Variants in STC1 observed in about 807,000 individuals in gnomAD.
STC1 encodes stanniocalcin-1.
Under a neutral mutation model 22.6 loss-of-function variants are expected in STC1, and 7 were observed. The ratio of observed to expected loss-of-function variants is 0.31; its 90% CI spans 0.18 to 0.58. STC1 has a LOEUF of 0.58. Ranked by LOEUF, STC1 falls within the 20% of genes least tolerant of loss-of-function variation. The probability of loss-of-function intolerance (pLI) is 0.89; values close to 1 mark genes in which losing one functional copy is unlikely to be tolerated. For synonymous variants in STC1, 113 were observed against 120.7 expected, an observed-to-expected ratio of 0.94 and a Z score of 0.42; for missense variants, 224 against 311.0, an observed-to-expected ratio of 0.72 and a Z score of 2.10.
Position 23,846,096 on chromosome 8 carries a change from A to G in STC1, c.474-1056T>C, listed in dbSNP as rs139021997. 3.3e-3 allele frequency among the ~76,000 whole-genome samples: 495 copies of G among 152,304 alleles called. 1 individual carries two copies. The highest frequency in any genetic ancestry group is 6.8e-3 in the Middle Eastern group (2 of 294). On this transcript the variant is annotated intron_variant, in intron 3 of 3. Transcript: ENST00000290271. ...AGTTTTAAGAATATAATTCTCTCCA[A>G]TAAGTAGTGATTCCCAGAAGAAAAC...
At chr8:23,845,553 G>GGTGT (rs10679520) in intron 3 of STC1, among the ~76,000 whole-genome samples, 6,480 of 150,346 alleles carry the variant, frequency 0.043, 233 homozygotes, top group African/African-American at 0.099. Flanking sequence ...TGTGGGCACA[G>GGTGT]GTGTGTGTGT....
Position 23,854,059 on chromosome 8 carries a change from C to T in STC1, c.118+347G>A, listed in dbSNP as rs557924720. 3.1e-5 allele frequency: 34 copies of T among 1,085,706 alleles called. No individual in the cohort carries two copies. The South Asian group carries it at 7.7e-4, about 25-fold the overall frequency. The allele number at this position is 1,085,706 out of a possible 1,614,324, so 67.3% of individuals were successfully genotyped here. ...GCCAGGTCTTACCTTAGATCAGCTT[C>T]TGGAAAGTATAGAGAGCGCTTTGAA... On this transcript the variant is annotated intron_variant, in intron 1 of 3. Transcript: ENST00000290271.
intron 3 of STC1, among the ~76,000 whole-genome samples, chr8:23,849,762 C>A (rs1802615032): frequency 6.6e-6 from 1 of 151,974 alleles, no homozygotes; most frequent in South Asian, 2.1e-4. Flanking sequence ...TGCTAATGTA[C>A]CTCTCCCCCC....
Position 23,844,792 on chromosome 8 carries a change from C to A in STC1, c.722G>T (p.Arg241Leu), listed in dbSNP as rs201521623. Residue 241 changes from arginine to leucine, a missense_variant, in exon 4 of 4, where the codon CGC becomes CTC. Physicochemically the swap from Arg to Leu is moderately radical, Grantham distance 102 (BLOSUM62 -2). Transcript: ENST00000290271. Reference protein sequence around the residue: ...GEEDSPSHIKRTSHESA With the variant: ...GEEDSPSHIKLTSHESA Reference sequence around the variant, plus strand: ...TGGTTATGCACTCTCATGGGATGTGCGTTTGATGTGGGAGGGAGAGTCCTC... The same window carrying A: ...TGGTTATGCACTCTCATGGGATGTGAGTTTGATGTGGGAGGGAGAGTCCTC... 6.2e-7 allele frequency: 1 copy of A among 1,614,048 alleles called. No individual in the cohort carries two copies. Among genetic ancestry groups the A allele is most frequent in the Non-Finnish European group, 8.5e-7 (1 of 1,179,992 alleles).
intron 1 of STC1, chr8:23,853,968 G>A: frequency 2.1e-6 from 2 of 937,950 alleles, no homozygotes; most frequent in Non-Finnish European, 2.6e-6. Context: ...ATTCTCTTAG[G>A]TAGAGAAGTC....
In STC1 at chr8:23,845,024, C is replaced by G; in HGVS notation, c.490G>C (p.Val164Leu). 6.2e-7 allele frequency: 1 copy of G among 1,614,070 alleles called. No individual in the cohort carries two copies. Among genetic ancestry groups the G allele is most frequent in the Admixed American group, 1.7e-5 (1 of 60,008 alleles). Residue 164 changes from valine (V) to leucine (L), a missense_variant, in exon 4 of 4, where the codon GTC becomes CTC. Transcript: ENST00000290271. ...TCATCACATTCCAGCAGGCTTCGGA[C>G]AAGTCTGTTATAGTATCTGCATCAA... The part of the protein sequence containing the change: ...HFSNRYYNRL[V>L]RSLLECDEDT...
In STC1 at chr8:23,854,744, C is replaced by CGCCGCCGCTGCTGCTGCT. The variant is rs1802681528; in HGVS notation, c.-222_-221insAGCAGCAGCAGCGGCGGC. On this transcript the variant is annotated 5_prime_UTR_variant, in exon 1 of 4. Transcript: ENST00000290271. ...CTGCCGCCGCTGCTGCTGCTGCTGC[C>CGCCGCCGCTGCTGCTGCT]ACCGCCGCTGCTGCTGCTGCTGCTG... 1 of 609,890 alleles carries CGCCGCCGCTGCTGCTGCT rather than the reference C, an allele frequency of 1.6e-6. No individual in the cohort carries two copies. The highest frequency in any genetic ancestry group is 3.0e-6 in the Non-Finnish European group (1 of 331,572). The allele number at this position is 609,890 out of a possible 1,614,324, so 37.8% of individuals were successfully genotyped here.
rs147444851 is a variant in STC1 at position 23,847,874 on chromosome 8, T to C, written c.474-2834A>G. 1.0e-3 allele frequency among the ~76,000 whole-genome samples: 155 copies of C among 152,372 alleles called. 3 individuals carry two copies. The highest frequency in any genetic ancestry group is 3.6e-3 in the African/African-American group (150 of 41,596). ...CAAATTTAATTGTGGACTACCACGG[T>C]GCACATATATTCAATTGTGCTTGGT... On this transcript the variant is annotated intron_variant, in intron 3 of 3. Coordinates refer to ENST00000290271, the MANE Select transcript of STC1 (RefSeq NM_003155.3).
chr8:23,853,825 A>G (rs535794177), intron 1 of STC1, among the ~76,000 whole-genome samples: 1 of 152,194 alleles, frequency 6.6e-6, no homozygotes, highest in Non-Finnish European at 1.5e-5. Context: ...ATGGAGCCCT[A>G]CAGAGCCAGG....
At chr8:23,848,080 TG>T (rs1475787310) in intron 3 of STC1, among the ~76,000 whole-genome samples, 2 of 152,204 alleles carry the variant, frequency 1.3e-5, no homozygotes, top group Non-Finnish European at 2.9e-5. Flanking sequence ...ATCAGTAAAA[TG>T]AGGCAGTTAG....
chr8:23,844,893 T>C lies in STC1; in HGVS notation c.621A>G (p.Pro207=). Residue 207 remains proline, a synonymous_variant, in exon 4 of 4, where the codon CCA becomes CCG. Coordinates refer to ENST00000290271, the MANE Select transcript of STC1 (RefSeq NM_003155.3). ...LQTDHCAQTH[P]RADFNRRRTN... ...TGCGTCTCCTGTTGAAGTCAGCTCG[T>C]GGGTGTGTTTGGGCACAGTGGTCTG... 1 of 1,614,070 alleles carries C rather than the reference T, an allele frequency of 6.2e-7. No homozygotes were observed. The highest frequency in any genetic ancestry group is 8.5e-7 in the Non-Finnish European group (1 of 1,180,012).
intron 3 of STC1, among the ~76,000 whole-genome samples, chr8:23,850,348 G>A (rs913727348): frequency 2.0e-5 from 3 of 152,180 alleles, no homozygotes; most frequent in Non-Finnish European, 2.9e-5. Flanking sequence ...GTGGATATGT[G>A]CAGATTTGAG....
At chr8:23,852,406 A>G (rs1212821942) in intron 1 of STC1, 22 bp from the exon 2 acceptor site, 1 of 1,571,246 alleles carries the variant, frequency 6.4e-7, no homozygotes, top group Admixed American at 1.8e-5. Context: ...AAATCCATCC[A>G]TTCTGGGTCA....
chr8:23,849,319 A>T (rs533658525), intron 3 of STC1, among the ~76,000 whole-genome samples: 25 of 152,234 alleles, frequency 1.6e-4, no homozygotes, highest in African/African-American at 5.5e-4. Flanking sequence ...GGACATTTCT[A>T]CAATCCTGAG....
rs184062047 is a variant in STC1 at position 23,854,373 on chromosome 8, G to C, written c.118+33C>G. The C allele has an allele frequency of 8.7e-4, 1,380 of 1,577,856 alleles. 25 individuals carry two copies. In the Admixed American group the frequency reaches 0.022, roughly 25 times the overall value. On this transcript the variant is annotated intron_variant, in intron 1 of 3. Coordinates refer to ENST00000290271, the MANE Select transcript of STC1 (RefSeq NM_003155.3). ...GAGAGGCAAATGAGGACAGCTCTTT[G>C]GGGGAGAAACCGCTCTTGGGTTTGC...
chr8:23,848,529 C>CAAAAAAAAAAAAAAA (rs796433655), intron 3 of STC1, among the ~76,000 whole-genome samples: 1 of 63,616 alleles, frequency 1.6e-5, no homozygotes, highest in Non-Finnish European at 3.0e-5. Context: ...GATACTCTGT[C>CAAAAAAAAAAAAAAA]AAAAAAAAAA....
chr8:23,851,179 T>C, intron 3 of STC1, 141 bp downstream of exon 3: 1 of 807,692 alleles, frequency 1.2e-6, no homozygotes, highest in Non-Finnish European at 2.0e-6. Flanking sequence ...AAACATATTT[T>C]TTTCCTGCAA....
In STC1 at chr8:23,854,467, A is replaced by T. The variant is rs1188006290; in HGVS notation, c.57T>A (p.His19Gln). ...LVLVISASAT[H>Q]EAEQNDSVSP... Reference sequence around the variant, plus strand: ...TCACAGAGTCATTCTGCTCCGCCTCATGGGTTGCAGAAGCACTGATCACCA... The same window carrying T: ...TCACAGAGTCATTCTGCTCCGCCTCTTGGGTTGCAGAAGCACTGATCACCA... Residue 19 changes from histidine to glutamine, a missense_variant, in exon 1 of 4, where the codon CAT becomes CAA. By Grantham distance (24) the His-to-Gln change is conservative. Coordinates refer to ENST00000290271, the MANE Select transcript of STC1 (RefSeq NM_003155.3). 40 of 1,613,812 alleles carry T rather than the reference A, an allele frequency of 2.5e-5. No homozygotes were observed. Among genetic ancestry groups the T allele is most frequent in the Non-Finnish European group, 3.2e-5 (38 of 1,180,012 alleles).
At chr8:23,852,160 C>T (rs1802645669) in intron 2 of STC1, 82 bp downstream of exon 2, 12 of 1,582,826 alleles carry the variant, frequency 7.6e-6, no homozygotes, top group Non-Finnish European at 1.0e-5. Context: ...TGGTTCCCTA[C>T]AAGACTGGTT....
Sources: gnomAD v4.1 joint callset for allele counts (sites outside exome capture counted in the v4.1 genomes callset) on GRCh38, gnomAD v4.1.1 for gene constraint, MANE v1.5 for transcripts, NCBI Gene and HGNC (gene_info 2026-07-23, HGNC 2026-07-21) for gene names.